Variants in PITPNC1 observed in about 807,000 individuals in gnomAD.
The protein encoded by PITPNC1 is phosphatidylinositol transfer protein cytoplasmic 1.
Under a neutral mutation model 44.7 loss-of-function variants are expected in PITPNC1, and 18 were observed. The observed-to-expected ratio is 0.40, with a 90% CI of 0.28 to 0.60. PITPNC1 has a LOEUF of 0.60. Among genes scored for constraint, PITPNC1 ranks in the 20% least tolerant of loss-of-function variants. The pLI is 0.39. For missense variants in PITPNC1, 290 were observed against 418.4 expected, an observed-to-expected ratio of 0.69 and a Z score of 2.68; for synonymous variants, 141 against 149.6, an observed-to-expected ratio of 0.94 and a Z score of 0.42.
chr17:67,462,105 G>T (rs1181037925), intron 1 of PITPNC1, among the ~76,000 whole-genome samples: 2 of 150,894 alleles, frequency 1.3e-5, no homozygotes, highest in Non-Finnish European at 2.9e-5. Flanking sequence ...TGTCTTAGTT[G>T]CAGTTTATTT....
At chr17:67,655,558 C>CAAAAAAAAAA (rs796111267) in intron 6 of PITPNC1, among the ~76,000 whole-genome samples, 3 of 42,084 alleles carry the variant, frequency 7.1e-5, no homozygotes, top group African/African-American at 7.8e-5. Flanking sequence ...AGACTCATCT[C>CAAAAAAAAAA]AAAAAAAAAA....
chr17:67,400,284 G>T (rs960661821), intron 1 of PITPNC1, among the ~76,000 whole-genome samples: 3 of 152,206 alleles, frequency 2.0e-5, no homozygotes, highest in Admixed American at 1.3e-4. Context: ...CAGCCCTGCA[G>T]GGGCTATAAA....
intron 6 of PITPNC1, among the ~76,000 whole-genome samples, chr17:67,667,490 C>CAAAAA (rs71139168): frequency 0.036 from 3,897 of 107,498 alleles, 262 homozygotes; most frequent in African/African-American, 0.12. Context: ...GATCCTTTCT[C>CAAAAA]AAAAAAAAAA....
intron 5 of PITPNC1, among the ~76,000 whole-genome samples, chr17:67,604,423 A>AT (rs568071204): frequency 1.0e-3 from 155 of 152,330 alleles, no homozygotes; most frequent in African/African-American, 3.5e-3. Flanking sequence ...GAGAAAGAGG[A>AT]TCTGCGTAGG....
At chr17:67,519,698 T>TA (rs1487534998) in intron 1 of PITPNC1, among the ~76,000 whole-genome samples, 2 of 152,202 alleles carry the variant, frequency 1.3e-5, no homozygotes, top group Non-Finnish European at 2.9e-5. Flanking sequence ...CCTCTCTGGC[T>TA]ACAAGTGCCA....
At chr17:67,647,460 T>A (rs1223098962) in intron 6 of PITPNC1, among the ~76,000 whole-genome samples, 1 of 116,198 alleles carries the variant, frequency 8.6e-6, no homozygotes, top group Non-Finnish European at 1.7e-5. Context: ...CCAGCTAATT[T>A]TGGGTTTTTT....
intron 1 of PITPNC1, among the ~76,000 whole-genome samples, chr17:67,394,384 T>C (rs1037346267): frequency 5.9e-5 from 9 of 152,166 alleles, no homozygotes; most frequent in African/African-American, 1.2e-4. Flanking sequence ...AAGGGTTAAA[T>C]AAACACCTTT....
chr17:67,512,507 A>AACAAACAAACAAAC (rs1382463792), intron 1 of PITPNC1, among the ~76,000 whole-genome samples: 11 of 149,872 alleles, frequency 7.3e-5, no homozygotes, highest in Admixed American at 3.3e-4. Flanking sequence ...TCTCAAAAAA[A>AACAAACAAACAAAC]AAAAAAAAAA....
intron 1 of PITPNC1, among the ~76,000 whole-genome samples, chr17:67,382,880 G>A (rs1433307491): frequency 6.6e-6 from 1 of 150,914 alleles, no homozygotes; most frequent in South Asian, 2.1e-4. Flanking sequence ...CCCACTTTGG[G>A]CTCCCAAAGT....
At chr17:67,468,297 T>C (rs192171406) in intron 1 of PITPNC1, among the ~76,000 whole-genome samples, 7 of 152,226 alleles carry the variant, frequency 4.6e-5, no homozygotes, top group Middle Eastern at 3.4e-3. Flanking sequence ...CTACCAGCTG[T>C]TAGCAACACT....
intron 6 of PITPNC1, among the ~76,000 whole-genome samples, chr17:67,643,623 C>T (rs2042114821): frequency 6.6e-6 from 1 of 152,224 alleles, no homozygotes; most frequent in Admixed American, 6.5e-5. Context: ...AGGGCCCTGG[C>T]TCTGGGAGCC....
chr17:67,579,107 C>T (rs965205529), intron 5 of PITPNC1, among the ~76,000 whole-genome samples: 2 of 152,258 alleles, frequency 1.3e-5, no homozygotes, highest in African/African-American at 4.8e-5. Flanking sequence ...CAGGGGGTAC[C>T]CCCACAAAAT....
chr17:67,404,626 A>G (rs2038369496), intron 1 of PITPNC1, among the ~76,000 whole-genome samples: 2 of 152,266 alleles, frequency 1.3e-5, no homozygotes, highest in South Asian at 4.1e-4. Context: ...CTTTAAAAGC[A>G]GACTTATAAA....
chr17:67,454,636 T>C (rs1356177571), intron 1 of PITPNC1, among the ~76,000 whole-genome samples: 1 of 152,078 alleles, frequency 6.6e-6, no homozygotes, highest in Non-Finnish European at 1.5e-5. Flanking sequence ...GATGATTGCT[T>C]TTTTCCTAAT....
intron 6 of PITPNC1, among the ~76,000 whole-genome samples, chr17:67,655,976 C>G (rs2042262436): frequency 1.3e-5 from 2 of 152,178 alleles, no homozygotes; most frequent in African/African-American, 4.8e-5. Context: ...GGAGGGGCAA[C>G]AAACGTTCAG....
intron 1 of PITPNC1, among the ~76,000 whole-genome samples, chr17:67,438,861 C>T (rs1023552292): frequency 3.3e-5 from 5 of 152,198 alleles, no homozygotes; most frequent in Non-Finnish European, 7.3e-5. Context: ...CCAGGCCATG[C>T]GCATTTAATT....
chr17:67,544,150 G>A (rs58718304), intron 2 of PITPNC1, among the ~76,000 whole-genome samples: 3,374 of 152,190 alleles, frequency 0.022, 85 homozygotes, highest in East Asian at 0.1. Context: ...CACACCCGGC[G>A]TGTGCTTGGG....
intron 4 of PITPNC1, 44 bp from the exon 5 acceptor site, chr17:67,578,142 G>C: frequency 7.6e-7 from 1 of 1,324,150 alleles, no homozygotes; most frequent in Non-Finnish European, 1.1e-6. Context: ...TATAGGAAGA[G>C]AGAAAAAATG....
At chr17:67,396,530 C>T (rs1287701117) in intron 1 of PITPNC1, among the ~76,000 whole-genome samples, 4 of 152,022 alleles carry the variant, frequency 2.6e-5, no homozygotes, top group Non-Finnish European at 5.9e-5. Context: ...GCCACCACAC[C>T]TGGCTAATTT....
Sources: allele counts gnomAD v4.1 joint callset (sites outside exome capture counted in the v4.1 genomes callset), GRCh38; gene constraint gnomAD v4.1.1; transcripts MANE v1.5; gene names NCBI Gene and HGNC (gene_info 2026-07-23, HGNC 2026-07-21).